XXYLT1: variants seen among roughly 807,000 people sequenced by gnomAD.
XXYLT1 encodes xyloside xylosyltransferase 1.
Under a neutral mutation model 28.9 loss-of-function variants are expected in XXYLT1, and 20 were observed. That is an observed-to-expected ratio of 0.69 (90% CI 0.49 to 1.00). The LOEUF is 1.00. Among genes scored for constraint, XXYLT1 ranks in the 50% least tolerant of loss-of-function variants. The pLI is 0.00. For synonymous variants in XXYLT1, 257 were observed against 253.8 expected (o/e 1.01, Z -0.12); for missense variants, 542 against 560.1 (o/e 0.97, Z 0.33).
At chr3:195,268,740 T>C (rs1011987811) in intron 1 of XXYLT1, among the ~76,000 whole-genome samples, 11 of 152,248 alleles carry the variant, frequency 7.2e-5, no homozygotes, top group African/African-American at 2.2e-4. Context: ...CTCTGGTCAT[T>C]TGCAGCTGCC....
At position 195,180,035 on chromosome 3, in the gene XXYLT1, C is replaced by A. The variant is rs9879463; in HGVS notation, c.653-23454G>T. ...CTGCAGGCAGAGTCGGGCCAGGGTGCGGCTGAGTGACGGAGCGCCTGGTGA... is the reference window on the plus strand; with the variant it reads ...CTGCAGGCAGAGTCGGGCCAGGGTGAGGCTGAGTGACGGAGCGCCTGGTGA... On this transcript the variant is annotated intron_variant, in intron 2 of 3. Transcript: ENST00000310380. This position sits in a 1 kb window ranked among gnomAD's most constrained non-coding sequence, Gnocchi z 5.8. Among the ~76,000 whole-genome samples, 15,702 of 152,066 alleles carry A rather than the reference C, an allele frequency of 0.1. 994 individuals carry two copies. Among genetic ancestry groups the A allele is most frequent in the African/African-American group, 0.18 (7,489 of 41,434 alleles).
rs1560179249 is a variant in XXYLT1 at position 195,257,539 on chromosome 3, G to A, written c.504+13016C>T. Among the ~76,000 whole-genome samples the A allele has an allele frequency of 6.6e-6, 1 of 152,200 alleles. No homozygotes were observed. The highest frequency in any genetic ancestry group is 1.5e-5 in the Non-Finnish European group (1 of 68,034). On this transcript the variant is annotated intron_variant, in intron 1 of 3. Coordinates refer to ENST00000310380, the MANE Select transcript of XXYLT1 (RefSeq NM_152531.5). The surrounding 1 kb of genome is among the most constrained non-coding windows in gnomAD (Gnocchi z 4.3). Reference sequence around the variant, plus strand: ...GAAGAAGCCCCTGAGCAAAGTCCCAGAGATGGGAAGTGGCCGGGGTACACC... The same window carrying A: ...GAAGAAGCCCCTGAGCAAAGTCCCAAAGATGGGAAGTGGCCGGGGTACACC...
chr3:195,174,965 A>G (rs557402558), intron 2 of XXYLT1, among the ~76,000 whole-genome samples: 69 of 152,132 alleles, frequency 4.5e-4, no homozygotes, highest in African/African-American at 1.3e-3. Flanking sequence ...CTCTCATAAG[A>G]CTGTAAGCTC....
chr3:195,209,096 A>G lies in XXYLT1; in HGVS notation c.652+17613T>C, dbSNP rs1723197939. 6.6e-6 allele frequency among the ~76,000 whole-genome samples: 1 copy of G among 152,182 alleles called. No individual in the cohort carries two copies. Among genetic ancestry groups the G allele is most frequent in the African/African-American group, 2.4e-5 (1 of 41,452 alleles). On this transcript the variant is annotated intron_variant, in intron 2 of 3. Coordinates refer to ENST00000310380, the MANE Select transcript of XXYLT1 (RefSeq NM_152531.5). The surrounding 1 kb of genome is among the most constrained non-coding windows in gnomAD (Gnocchi z 5.0). ...TCGCCCACCTCCCCTTACGTGGCTC[A>G]CTCGCCTCTCAGGGGGAAGCTATCT...
At chr3:195,073,659 A>G (rs1427612273) in intron 3 of XXYLT1, among the ~76,000 whole-genome samples, 1 of 152,216 alleles carries the variant, frequency 6.6e-6, no homozygotes, top group African/African-American at 2.4e-5. Context: ...GCCCCCACGC[A>G]GACAGTCCCT....
At chr3:195,121,488 C>A (rs1385580240) in intron 3 of XXYLT1, among the ~76,000 whole-genome samples, 1 of 152,186 alleles carries the variant, frequency 6.6e-6, no homozygotes, top group Non-Finnish European at 1.5e-5. Flanking sequence ...TGCTCCCCTG[C>A]TGAATTCAGA....
Position 195,168,515 on chromosome 3 carries a change from T to A in XXYLT1, c.653-11934A>T, listed in dbSNP as rs553367682. ...GCTGCCACTGCTGCAGCTGCTTCCA[T>A]CCTACCCTGGTCCTGAGGGCAGCAG... On this transcript the variant is annotated intron_variant, in intron 2 of 3. Coordinates refer to ENST00000310380, the MANE Select transcript of XXYLT1 (RefSeq NM_152531.5). This position sits in a 1 kb window ranked among gnomAD's most constrained non-coding sequence, Gnocchi z 4.3. Among the ~76,000 whole-genome samples, 2 of 152,290 alleles carry A rather than the reference T, an allele frequency of 1.3e-5. No homozygotes were observed. Among genetic ancestry groups the A allele is most frequent in the African/African-American group, 4.8e-5 (2 of 41,572 alleles).
rs1560100760 is a variant in XXYLT1 at position 195,110,315 on chromosome 3, TG to T, written c.786-40205del. On this transcript the variant is annotated intron_variant, in intron 3 of 3. Transcript: ENST00000310380. ...TGTGCGTGTGTGGTATATGTGTGTG[TG>T]GGTGAGGGTGAGGTGTGTGTATGTG... Among the ~76,000 whole-genome samples, 5 of 1,634 alleles carry T rather than the reference TG, an allele frequency of 3.1e-3. 1 individual carries two copies. The highest frequency in any genetic ancestry group is 9.0e-3 in the African/African-American group (5 of 558). The allele number at this position is 1,634 out of a possible 152,430, so 1.1% of individuals were successfully genotyped here. A position where few individuals can be genotyped will look rare whatever the true frequency, so the allele number is the denominator to read the frequency against.
intron 1 of XXYLT1, among the ~76,000 whole-genome samples, chr3:195,258,539 G>C (rs1169395221): frequency 6.6e-6 from 1 of 152,130 alleles, no homozygotes; most frequent in African/African-American, 2.4e-5. Flanking sequence ...CGTTCATAGA[G>C]GCGACTCTGT....
chr3:195,211,011 A>T (rs1363548356), intron 2 of XXYLT1, among the ~76,000 whole-genome samples: 1 of 152,344 alleles, frequency 6.6e-6, no homozygotes, highest in Non-Finnish European at 1.5e-5. Context: ...CCTGGTTGTG[A>T]CTAACCCTAA....
chr3:195,112,983 C>A (rs903303), intron 3 of XXYLT1, among the ~76,000 whole-genome samples: 79,248 of 152,236 alleles, frequency 0.52, 21,583 homozygotes, highest in Middle Eastern at 0.65. Context: ...TGGGTTTCAA[C>A]TGCAGCCATG....
At chr3:195,156,848 G>C (rs998137520) in intron 2 of XXYLT1, among the ~76,000 whole-genome samples, 2 of 152,168 alleles carry the variant, frequency 1.3e-5, no homozygotes, top group Non-Finnish European at 2.9e-5. Flanking sequence ...ACGCTCCAGT[G>C]TCGGCCTGCT....
chr3:195,155,775 T>C (rs1720554793), intron 3 of XXYLT1, among the ~76,000 whole-genome samples: 2 of 152,146 alleles, frequency 1.3e-5, no homozygotes, highest in Admixed American at 6.5e-5. Context: ...TCTCGTCGCA[T>C]GGAGCCGTTC....
rs1276982946 is a variant in XXYLT1, at chr3:195,257,317, G to C, written c.504+13238C>G. ...AGGCCCTGCGCCACTACATCCTGGAGACACAGAATGAAATAAGACACAGTG... is the reference window on the plus strand; with the variant it reads ...AGGCCCTGCGCCACTACATCCTGGACACACAGAATGAAATAAGACACAGTG... On this transcript the variant is annotated intron_variant, in intron 1 of 3. Coordinates refer to ENST00000310380, the MANE Select transcript of XXYLT1 (RefSeq NM_152531.5). This position sits in a 1 kb window ranked among gnomAD's most constrained non-coding sequence, Gnocchi z 4.3. 1.3e-5 allele frequency among the ~76,000 whole-genome samples: 2 copies of C among 152,166 alleles called. No individual in the cohort carries two copies. Among genetic ancestry groups the C allele is most frequent in the African/African-American group, 4.8e-5 (2 of 41,438 alleles).
chr3:195,073,371 A>T (rs1298371953), intron 3 of XXYLT1, among the ~76,000 whole-genome samples: 1 of 152,186 alleles, frequency 6.6e-6, no homozygotes, highest in Non-Finnish European at 1.5e-5. Flanking sequence ...GACAACGTAT[A>T]TTCAGGGGCA....
rs1718015603 is a variant in XXYLT1 at position 195,115,821 on chromosome 3, G to A, written c.785+40628C>T. Among the ~76,000 whole-genome samples, 1 of 152,116 alleles carries A rather than the reference G, an allele frequency of 6.6e-6. No homozygotes were observed. The highest frequency in any genetic ancestry group is 6.5e-5 in the Admixed American group (1 of 15,280). ...AACTAACAGTGCTTTGTCAGAGGGCGAGAGGGTCTGATGGGGGCAGCTCTG... is the reference window on the plus strand; with the variant it reads ...AACTAACAGTGCTTTGTCAGAGGGCAAGAGGGTCTGATGGGGGCAGCTCTG... On this transcript the variant is annotated intron_variant, in intron 3 of 3. Coordinates refer to ENST00000310380, the MANE Select transcript of XXYLT1 (RefSeq NM_152531.5). The surrounding 1 kb of genome is among the most constrained non-coding windows in gnomAD (Gnocchi z 4.2).
intron 3 of XXYLT1, among the ~76,000 whole-genome samples, chr3:195,113,711 G>A (rs1235832538): frequency 6.6e-6 from 1 of 152,172 alleles, no homozygotes; most frequent in Non-Finnish European, 1.5e-5. Context: ...TGCCGAGCTT[G>A]GCTGAGGGAG....
chr3:195,165,441 C>T (rs1721071888), intron 2 of XXYLT1, among the ~76,000 whole-genome samples: 1 of 152,208 alleles, frequency 6.6e-6, no homozygotes, highest in African/African-American at 2.4e-5. Context: ...CAGCGCCTGA[C>T]TTCTCCCTGG....
chr3:195,098,771 T>C (rs534667228), intron 3 of XXYLT1, among the ~76,000 whole-genome samples: 1 of 152,302 alleles, frequency 6.6e-6, no homozygotes, highest in South Asian at 2.1e-4. Flanking sequence ...CTGGTGCCTC[T>C]TGATGGCAAT....
Sources: allele counts gnomAD v4.1 joint callset (sites outside exome capture counted in the v4.1 genomes callset), GRCh38; gene constraint gnomAD v4.1.1; non-coding constraint Gnocchi (gnomAD v3.1); transcripts MANE v1.5; gene names NCBI Gene and HGNC (gene_info 2026-07-23, HGNC 2026-07-21).